The following C10orf53 variants were observed in gnomAD, a reference collection of about 807,000 sequenced individuals.
The protein encoded by C10orf53 is UPF0728 protein C10orf53.
A neutral mutation model predicts 9.4 loss-of-function variants in C10orf53; 8 were observed. The observed-to-expected ratio is 0.85, with a 90% CI of 0.50 to 1.53. The LOEUF is 1.53. C10orf53 is among the 40% of genes most tolerant of loss of function. C10orf53 has a pLI of 0.00. For synonymous variants in C10orf53, 48 were observed against 46.0 expected (o/e 1.04, Z -0.18); for missense variants, 117 against 117.8 (o/e 0.99, Z 0.03).
intron 1 of C10orf53, among the ~76,000 whole-genome samples, chr10:49,681,105 C>T (rs1153782): frequency 0.95 from 145,280 of 152,240 alleles, 69,606 homozygotes; most frequent in Middle Eastern, 1. Context: ...CCACTTTCCA[C>T]TTACAGTGGG....
At chr10:49,688,537 A>C (rs1044792828) in intron 1 of C10orf53, among the ~76,000 whole-genome samples, 5 of 152,028 alleles carry the variant, frequency 3.3e-5, no homozygotes, top group African/African-American at 1.2e-4. Flanking sequence ...TTTACCCCTG[A>C]GAACATTCCA....
chr10:49,689,392 A>T (rs1840560591), intron 1 of C10orf53, among the ~76,000 whole-genome samples: 1 of 152,120 alleles, frequency 6.6e-6, no homozygotes, highest in African/African-American at 2.4e-5. Flanking sequence ...GAAAAAAAGT[A>T]TTTTCCTAAT....
At chr10:49,683,299 T>C (rs994758384) in intron 1 of C10orf53, among the ~76,000 whole-genome samples, 1 of 152,238 alleles carries the variant, frequency 6.6e-6, no homozygotes, top group Non-Finnish European at 1.5e-5. Context: ...TCTTTTCATG[T>C]GCTTATTGGC....
intron 1 of C10orf53, among the ~76,000 whole-genome samples, chr10:49,685,801 A>C (rs1400199481): frequency 6.6e-6 from 1 of 152,212 alleles, no homozygotes; most frequent in Non-Finnish European, 1.5e-5. Context: ...AATGTGTCTT[A>C]GTATAATACT....
At chr10:49,684,373 G>A (rs888404347) in intron 1 of C10orf53, among the ~76,000 whole-genome samples, 9 of 152,212 alleles carry the variant, frequency 5.9e-5, no homozygotes, top group African/African-American at 2.2e-4. Context: ...TTTTAAGATA[G>A]GTTTTTCCAC....
chr10:49,686,441 T>C (rs550526456), intron 1 of C10orf53, among the ~76,000 whole-genome samples: 1 of 152,294 alleles, frequency 6.6e-6, no homozygotes, highest in South Asian at 2.1e-4. Flanking sequence ...TGAGGGAAGA[T>C]AAACAGGAGG....
rs1218495105 is a variant in C10orf53 at position 49,696,290 on chromosome 10, C to T, written c.*1688C>T. 6.6e-6 allele frequency among the ~76,000 whole-genome samples: 1 copy of T among 152,166 alleles called. No individual in the cohort carries two copies. Among genetic ancestry groups the T allele is most frequent in the Non-Finnish European group, 1.5e-5 (1 of 68,042 alleles). On this transcript the variant is annotated 3_prime_UTR_variant, in exon 3 of 3. Coordinates refer to ENST00000374111, the MANE Select transcript of C10orf53 (RefSeq NM_001042427.3). ...ACTGTCTGAGCATTTTATCTTGAAT[C>T]AGGAAATCTCTCCCTTGAGCTGTGA...
intron 1 of C10orf53, among the ~76,000 whole-genome samples, chr10:49,685,867 TC>T (rs1310028725): frequency 6.6e-6 from 1 of 152,212 alleles, no homozygotes; most frequent in Non-Finnish European, 1.5e-5. Flanking sequence ...TATTTTCATG[TC>T]TTTCATCAAA....
Position 49,694,671 on chromosome 10 carries a change from A to G in C10orf53, c.*69A>G. On this transcript the variant is annotated 3_prime_UTR_variant, in exon 3 of 3. Transcript: ENST00000374111. ...GCCCCAGCCATTCTATGATGCAGGCAGAAGTGGCTGTGCCACGGTGTGGAC... is the reference window on the plus strand; with the variant it reads ...GCCCCAGCCATTCTATGATGCAGGCGGAAGTGGCTGTGCCACGGTGTGGAC... 1.9e-6 allele frequency: 3 copies of G among 1,611,394 alleles called. No homozygotes were observed. The highest frequency in any genetic ancestry group is 2.5e-6 in the Non-Finnish European group (3 of 1,178,642).
At chr10:49,698,862 T>A (rs1402136978), downstream of C10orf53, among the ~76,000 whole-genome samples, 2 of 152,092 alleles carry the variant, frequency 1.3e-5, no homozygotes, top group Non-Finnish European at 2.9e-5. Context: ...AGCAGCAGAC[T>A]GAGGGCACCA....
Position 49,679,807 on chromosome 10 carries a change from G to A in C10orf53, c.97+13G>A, listed in dbSNP as rs899828485. On this transcript the variant is annotated intron_variant, in intron 1 of 2. Transcript: ENST00000374111. ...CAGGGCCTGCAAGGTGGGCCTCCTC[G>A]CCGCGTGCGCCCCTGAGGGCCCCAG... The A allele has an allele frequency of 1.2e-5, 19 of 1,526,648 alleles. No homozygotes were observed. The Admixed American group carries it at 1.6e-4, about 13-fold the overall frequency. The allele number at this position is 1,526,648 out of a possible 1,614,324, so 94.6% of individuals were successfully genotyped here. A position where few individuals can be genotyped will look rare whatever the true frequency, so the allele number is the denominator to read the frequency against.
chr10:49,685,734 T>G (rs1359700770), intron 1 of C10orf53, among the ~76,000 whole-genome samples: 2 of 152,174 alleles, frequency 1.3e-5, no homozygotes, highest in African/African-American at 4.8e-5. Flanking sequence ...GTGTGATGAG[T>G]CATTTCTTTC....
chr10:49,694,662 G>A lies in C10orf53; in HGVS notation c.*60G>A. The A allele has an allele frequency of 6.2e-7, 1 of 1,612,638 alleles. No homozygotes were observed. Among genetic ancestry groups the A allele is most frequent in the African/African-American group, 1.3e-5 (1 of 75,054 alleles). ...ACAGCAGCTGCCCCAGCCATTCTAT[G>A]ATGCAGGCAGAAGTGGCTGTGCCAC... is the stretch of plus-strand genomic sequence containing the variant. On this transcript the variant is annotated 3_prime_UTR_variant, in exon 3 of 3. Coordinates refer to ENST00000374111, the MANE Select transcript of C10orf53 (RefSeq NM_001042427.3).
downstream of C10orf53, among the ~76,000 whole-genome samples, chr10:49,701,818 G>A (rs1448532440): frequency 6.6e-6 from 1 of 151,868 alleles, no homozygotes; most frequent in Non-Finnish European, 1.5e-5. Flanking sequence ...TCTGTGTGAT[G>A]AGCCCATCAA....
intron 2 of C10orf53, 173 bp from the exon 3 acceptor site, chr10:49,694,363 CTG>C (rs2132883436): frequency 1.1e-6 from 1 of 907,364 alleles, no homozygotes; most frequent in African/African-American, 1.7e-5. Context: ...GCGTGCCTCT[CTG>C]TGCTCAGAAG....
chr10:49,690,091 G>A (rs529649908), intron 1 of C10orf53, among the ~76,000 whole-genome samples: 1 of 152,252 alleles, frequency 6.6e-6, no homozygotes. Context: ...TGAGCGGGTG[G>A]AAACACAGCA....
chr10:49,694,763 G>T lies in C10orf53; in HGVS notation c.*161G>T, dbSNP rs906302461. The T allele has an allele frequency of 1.4e-6, 2 of 1,427,228 alleles. No homozygotes were observed. Among genetic ancestry groups the T allele is most frequent in the Non-Finnish European group, 1.8e-6 (2 of 1,092,686 alleles). The allele number at this position is 1,427,228 out of a possible 1,614,324, so 88.4% of individuals were successfully genotyped here. On this transcript the variant is annotated 3_prime_UTR_variant, in exon 3 of 3. Transcript: ENST00000374111. ...CTCCAGCTTACGCAGCCTCAGGATTGTCACCTGGCTGCACAGGAGCCCACA... is the reference window on the plus strand; with the variant it reads ...CTCCAGCTTACGCAGCCTCAGGATTTTCACCTGGCTGCACAGGAGCCCACA...
At position 49,693,777 on chromosome 10, in the gene C10orf53, T is replaced by G; in HGVS notation, c.101T>G (p.Val34Gly). The change falls in exon 2 of 3, where the codon GTG (valine) becomes GGG (glycine). Residue 34 changes from valine (V) to glycine (G), a missense_variant. Physicochemically the swap from Val to Gly is moderately radical, Grantham distance 109 (BLOSUM62 -3). Coordinates refer to ENST00000374111, the MANE Select transcript of C10orf53 (RefSeq NM_001042427.3). ...CCTCCTTTTCTTTCCTTCCCAGCTG[T>G]GTTGGCCATAGATGGACATGAGGTC... The part of the protein sequence containing the change: ...HTFRLQGLQA[V>G]LAIDGHEVIL... 2 of 1,613,436 alleles carry G rather than the reference T, an allele frequency of 1.2e-6. No homozygotes were observed. Among genetic ancestry groups the G allele is most frequent in the Non-Finnish European group, 8.5e-7 (1 of 1,179,474 alleles).
chr10:49,680,081 G>A (rs888265065), intron 1 of C10orf53, among the ~76,000 whole-genome samples: 1 of 152,238 alleles, frequency 6.6e-6, no homozygotes, highest in Non-Finnish European at 1.5e-5. Context: ...GGAAACTGAG[G>A]ATCAAGAATA....
Sources: allele counts gnomAD v4.1 joint callset (sites outside exome capture counted in the v4.1 genomes callset), GRCh38; gene constraint gnomAD v4.1.1; transcripts MANE v1.5; gene names NCBI Gene and HGNC (gene_info 2026-07-23, HGNC 2026-07-21).